RXRA: variants seen among roughly 807,000 people sequenced by gnomAD.
The protein encoded by RXRA is retinoic acid receptor RXR-alpha.
A neutral mutation model predicts 44.5 loss-of-function variants in RXRA; 5 were observed. That is an observed-to-expected ratio of 0.11 (90% confidence interval 0.06 to 0.24). RXRA has a LOEUF of 0.24. Ranked by LOEUF, RXRA falls within the 10% of genes least tolerant of loss-of-function variation. The pLI, the probability that RXRA is intolerant of heterozygous loss-of-function variation, is 1.00. For missense variants in RXRA, 412 were observed against 646.5 expected (o/e 0.64, Z 3.93); for synonymous variants, 291 against 271.4 (o/e 1.07, Z -0.71).
chr9:134,388,324 C>T (rs1362148883), intron 1 of RXRA, among the ~76,000 whole-genome samples: 2 of 64,946 alleles, frequency 3.1e-5, no homozygotes, highest in Non-Finnish European at 5.9e-5. Flanking sequence ...TGCACAGGCA[C>T]ACGTGTTGGG....
At chr9:134,420,659 G>A (rs34612868) in intron 5 of RXRA, among the ~76,000 whole-genome samples, 17 of 152,350 alleles carry the variant, frequency 1.1e-4, no homozygotes, top group Admixed American at 1.1e-3. Context: ...TTTCTCCTTG[G>A]CAGATGCCCT....
intron 1 of RXRA, among the ~76,000 whole-genome samples, chr9:134,340,521 G>A (rs575927191): frequency 6.6e-6 from 1 of 152,288 alleles, no homozygotes; most frequent in East Asian, 1.9e-4. Flanking sequence ...GGGCTCACGT[G>A]GCACCGGCTC....
chr9:134,372,824 C>G (rs574201202), intron 1 of RXRA, among the ~76,000 whole-genome samples: 2 of 152,224 alleles, frequency 1.3e-5, no homozygotes, highest in African/African-American at 4.8e-5. Context: ...GCTGTGTGAC[C>G]CCAGGCGGTA....
chr9:134,367,533 C>T (rs115065472), intron 1 of RXRA, among the ~76,000 whole-genome samples: 1,968 of 152,340 alleles, frequency 0.013, 40 homozygotes, highest in African/African-American at 0.045. Flanking sequence ...GTTCAGTGGT[C>T]GAGGAGCCAG....
Position 134,344,536 on chromosome 9 carries a change from C to T in RXRA, c.28+17877C>T, listed in dbSNP as rs1423107379. On this transcript the variant is annotated intron_variant, in intron 1 of 9. Transcript: ENST00000481739. ...TGGAAGTGGAGTCCTTGGTTCCTTT[C>T]TCTGGGGGCTCCCAACAGGAGGTTG... is the stretch of plus-strand genomic sequence containing the variant. Among the ~76,000 whole-genome samples, 5 of 152,210 alleles carry T rather than the reference C, an allele frequency of 3.3e-5. 1 individual carries two copies. Among genetic ancestry groups the T allele is most frequent in the Admixed American group, 2.6e-4 (4 of 15,294 alleles).
chr9:134,401,903 A>G (rs1238411381), intron 2 of RXRA, 21 bp downstream of exon 2: 4 of 1,425,140 alleles, frequency 2.8e-6, no homozygotes, highest in Non-Finnish European at 2.9e-6. Context: ...GGCTGGGGCA[A>G]GGGGAGGGGG....
chr9:134,380,846 C>T (rs1830633587), intron 1 of RXRA, among the ~76,000 whole-genome samples: 1 of 152,180 alleles, frequency 6.6e-6, no homozygotes, highest in African/African-American at 2.4e-5. Context: ...GGGCTTTGAG[C>T]TGCAGGCAGA....
intron 1 of RXRA, among the ~76,000 whole-genome samples, chr9:134,380,490 G>T (rs1301116599): frequency 2.5e-5 from 2 of 79,630 alleles, no homozygotes; most frequent in Admixed American, 2.3e-4. Context: ...CTGTCAGGTG[G>T]GCGGCCCCCC....
chr9:134,358,466 G>A (rs1046339610), intron 1 of RXRA, among the ~76,000 whole-genome samples: 2 of 152,212 alleles, frequency 1.3e-5, no homozygotes, highest in Non-Finnish European at 2.9e-5. Flanking sequence ...GAGTTCCGGG[G>A]CCTGTAATGG....
chr9:134,350,398 CT>C (rs1329470841), intron 1 of RXRA, among the ~76,000 whole-genome samples: 1 of 152,214 alleles, frequency 6.6e-6, no homozygotes, highest in African/African-American at 2.4e-5. Flanking sequence ...TCCTCGCCCC[CT>C]GGGTGGTGGC....
chr9:134,346,537 C>T (rs1477058987), intron 1 of RXRA, among the ~76,000 whole-genome samples: 7 of 152,166 alleles, frequency 4.6e-5, no homozygotes, highest in East Asian at 1.9e-4. Flanking sequence ...TGGGGGCTCT[C>T]GTTAATCTTC....
chr9:134,424,486 G>A (rs1183917339), intron 6 of RXRA: 1 of 985,348 alleles, frequency 1.0e-6, no homozygotes, highest in East Asian at 1.1e-4. Context: ...AGGGCCGCAT[G>A]GTGAGGTCTG....
At chr9:134,424,820 G>A (rs1831406360) in intron 6 of RXRA, 3 of 985,488 alleles carry the variant, frequency 3.0e-6, no homozygotes, top group Non-Finnish European at 3.6e-6. Context: ...ATCCATGGCT[G>A]TAGCCTGACT....
At chr9:134,367,379 GC>G (rs1830427488) in intron 1 of RXRA, among the ~76,000 whole-genome samples, 1 of 152,158 alleles carries the variant, frequency 6.6e-6, no homozygotes, top group Non-Finnish European at 1.5e-5. Flanking sequence ...GCTCCCCGGA[GC>G]CCACCCTTCC....
At position 134,429,254 on chromosome 9, in the gene RXRA, C is replaced by T. The variant is rs747918922; in HGVS notation, c.1043+14C>T. 4.8e-5 allele frequency: 77 copies of T among 1,608,540 alleles called. No homozygotes were observed. The Middle Eastern group carries it at 6.6e-4, about 14-fold the overall frequency. The stretch of plus-strand genomic sequence containing the variant: ...CATCTTTGACAGGTGGGGGTGGTCC[C>T]GGGAGGGGCGAGGGCGCTTCGGTCA... On this transcript the variant is annotated intron_variant, in intron 7 of 9. Transcript: ENST00000481739.
intron 6 of RXRA, chr9:134,424,391 C>A: frequency 1.0e-6 from 1 of 985,392 alleles, no homozygotes; most frequent in Non-Finnish European, 1.2e-6. Context: ...AGTGGGACTC[C>A]CAGCCTGACC....
chr9:134,377,193 C>T (rs1036349985), intron 1 of RXRA, among the ~76,000 whole-genome samples: 9 of 152,320 alleles, frequency 5.9e-5, no homozygotes, highest in East Asian at 1.9e-4. Context: ...GTCTGTGCTC[C>T]GCTTTCATTT....
chr9:134,415,154 T>C (rs1407178823), intron 4 of RXRA, among the ~76,000 whole-genome samples: 1 of 152,202 alleles, frequency 6.6e-6, no homozygotes, highest in African/African-American at 2.4e-5. Flanking sequence ...CGCCTGAGTC[T>C]CCCTGTGTGG....
At chr9:134,326,684 G>T in intron 1 of RXRA, 25 bp downstream of exon 1, 1 of 863,978 alleles carries the variant, frequency 1.2e-6, no homozygotes, top group Non-Finnish European at 1.4e-6. Flanking sequence ...GGCCGGGCGG[G>T]GACGGGGCCG....
Sources: gnomAD v4.1 joint callset for allele counts (sites outside exome capture counted in the v4.1 genomes callset) on GRCh38, gnomAD v4.1.1 for gene constraint, MANE v1.5 for transcripts, NCBI Gene and HGNC (gene_info 2026-07-23, HGNC 2026-07-21) for gene names.